Variants in KANSL1 observed in about 807,000 individuals in gnomAD.
KANSL1 encodes KAT8 regulatory NSL complex subunit 1, also known as MLL1/MLL complex subunit KANSL1.
Under a neutral mutation model 103.6 loss-of-function variants are expected in KANSL1, and 22 were observed. The ratio of observed to expected loss-of-function variants is 0.21; its 90% CI spans 0.15 to 0.30. KANSL1 has a LOEUF of 0.30. KANSL1 is among the 10% of genes least tolerant of loss of function. The pLI, the probability that KANSL1 is intolerant of heterozygous loss-of-function variation, is 1.00. For synonymous variants in KANSL1, 600 were observed against 527.6 expected (o/e 1.14, Z -1.88); for missense variants, 1,337 against 1,399.8 (o/e 0.96, Z 0.72).
intron 1 of KANSL1, among the ~76,000 whole-genome samples, chr17:46,174,079 T>G (rs1048573073): frequency 6.6e-6 from 1 of 152,278 alleles, no homozygotes; most frequent in Admixed American, 6.5e-5. Context: ...CGATATTTGC[T>G]GCCAATAATA....
chr17:46,125,541 T>C (rs1416613594), intron 2 of KANSL1, among the ~76,000 whole-genome samples: 2 of 152,122 alleles, frequency 1.3e-5, no homozygotes, highest in Non-Finnish European at 2.9e-5. Flanking sequence ...AATACATCTG[T>C]CCATATAGGG....
At chr17:46,141,635 CAAG>C (rs2147371716) in intron 2 of KANSL1, among the ~76,000 whole-genome samples, 1 of 152,148 alleles carries the variant, frequency 6.6e-6, no homozygotes, top group African/African-American at 2.4e-5. Flanking sequence ...ACAAAATGCC[CAAG>C]AATACAGTAT....
intron 2 of KANSL1, among the ~76,000 whole-genome samples, chr17:46,117,180 A>G (rs2043081504): frequency 6.6e-6 from 1 of 152,212 alleles, no homozygotes; most frequent in Admixed American, 6.5e-5. Context: ...CAGGTTATAA[A>G]TGGGTATGCA....
At chr17:46,111,959 C>T (rs1045946655) in intron 2 of KANSL1, among the ~76,000 whole-genome samples, 6 of 152,194 alleles carry the variant, frequency 3.9e-5, no homozygotes, top group African/African-American at 9.7e-5. Flanking sequence ...CCCACAGAAA[C>T]GAGAGCACCA....
chr17:46,063,044 C>T (rs1357308957), intron 6 of KANSL1, among the ~76,000 whole-genome samples: 8 of 152,138 alleles, frequency 5.3e-5, no homozygotes, highest in Non-Finnish European at 8.8e-5. Flanking sequence ...AGCAAGACTC[C>T]ATCTCAAAGA....
intron 4 of KANSL1, among the ~76,000 whole-genome samples, chr17:46,071,684 A>G (rs1282259776): frequency 6.6e-6 from 1 of 152,258 alleles, no homozygotes; most frequent in Non-Finnish European, 1.5e-5. Flanking sequence ...AGAAAACTAA[A>G]GCATGACTGA....
intron 2 of KANSL1, among the ~76,000 whole-genome samples, chr17:46,124,424 C>T (rs143922527): frequency 1.3e-5 from 2 of 152,264 alleles, no homozygotes; most frequent in East Asian, 3.9e-4. Context: ...GCACCATTGC[C>T]GGAGAGGTCT....
rs369920825 is a variant in KANSL1, at chr17:46,170,999, C to G, written c.1145G>C (p.Arg382Thr). 1 of 1,614,070 alleles carries G rather than the reference C, an allele frequency of 6.2e-7. No homozygotes were observed. Among genetic ancestry groups the G allele is most frequent in the Non-Finnish European group, 8.5e-7 (1 of 1,180,058 alleles). ...KSNSISEELE[R>T]FTASGIANLR... is the part of the protein sequence containing the mutation. ...GTTGGCTATGCCACTAGCTGTAAAT[C>G]TCTCCAATTCTTCTGAAATTGAATT... The change falls in exon 2 of 15, where the codon AGA becomes ACA. Residue 382 changes from arginine (R) to threonine (T), a missense_variant. Arg to Thr is a moderately conservative substitution (Grantham distance 71). Transcript: ENST00000432791.
At position 46,102,408 on chromosome 17, in the gene KANSL1, C is replaced by A. The variant is rs535002773; in HGVS notation, c.1290-7707G>T. On this transcript the variant is annotated intron_variant, in intron 2 of 14. Coordinates refer to ENST00000432791, the MANE Select transcript of KANSL1 (RefSeq NM_015443.4). Reference sequence around the variant, plus strand: ...GGGATTACAGGTGCCTGTCACCATGCCTGGCTAATTTTTGTGTTTTTAGTA... The same window carrying A: ...GGGATTACAGGTGCCTGTCACCATGACTGGCTAATTTTTGTGTTTTTAGTA... Among the ~76,000 whole-genome samples, 7 of 152,266 alleles carry A rather than the reference C, an allele frequency of 4.6e-5. No homozygotes were observed. In the East Asian group the frequency reaches 7.7e-4, roughly 17 times the overall value.
At chr17:46,180,543 G>C (rs1253904887) in intron 1 of KANSL1, among the ~76,000 whole-genome samples, 1 of 152,012 alleles carries the variant, frequency 6.6e-6, no homozygotes, top group Admixed American at 6.6e-5. Context: ...AAATTTAGCC[G>C]GGCATGATGG....
intron 10 of KANSL1, among the ~76,000 whole-genome samples, chr17:46,036,742 C>T (rs1249153178): frequency 1.3e-5 from 2 of 149,194 alleles, no homozygotes; most frequent in Non-Finnish European, 3.0e-5. Context: ...TTTTTTGAGA[C>T]GAAGTCTTGC....
intron 1 of KANSL1, among the ~76,000 whole-genome samples, chr17:46,180,514 T>TAATAAA (rs1206238036): frequency 1.3e-5 from 2 of 151,408 alleles, no homozygotes; most frequent in Non-Finnish European, 2.9e-5. Flanking sequence ...AAGAAATAAA[T>TAATAAA]AATAAAAATA....
Position 46,142,392 on chromosome 17 carries a change from A to G in KANSL1, c.1289+28463T>C, listed in dbSNP as rs376173341. On this transcript the variant is annotated intron_variant, in intron 2 of 14. Transcript: ENST00000432791. ...CACTTTGGGAGGCCAAGGCAGGAGG[A>G]CTGCTTGAGTCCAGGAGTTTGAGAC... is the stretch of plus-strand genomic sequence containing the variant. Among the ~76,000 whole-genome samples the G allele has an allele frequency of 2.0e-4, 31 of 151,882 alleles. 1 individual carries two copies. In the East Asian group the frequency reaches 5.8e-3, roughly 28 times the overall value.
chr17:46,131,553 T>G (rs892828599), intron 2 of KANSL1, among the ~76,000 whole-genome samples: 1 of 152,182 alleles, frequency 6.6e-6, no homozygotes, highest in African/African-American at 2.4e-5. Context: ...GCCAAAATGA[T>G]TACAATGACA....
intron 6 of KANSL1, among the ~76,000 whole-genome samples, chr17:46,065,398 T>C (rs2078341562): frequency 6.6e-6 from 1 of 152,212 alleles, no homozygotes; most frequent in South Asian, 2.1e-4. Context: ...ACCCAGTGAC[T>C]AGACAGATTT....
In KANSL1 at chr17:46,050,709, GA is replaced by G; in HGVS notation, c.1849-6del. 3 of 1,602,078 alleles carry G rather than the reference GA, an allele frequency of 1.9e-6. No homozygotes were observed. The highest frequency in any genetic ancestry group is 2.6e-6 in the Non-Finnish European group (3 of 1,172,042). On this transcript the variant is annotated splice_region_variant and splice_polypyrimidine_tract_variant and intron_variant, in intron 6 of 14. Coordinates refer to ENST00000432791, the MANE Select transcript of KANSL1 (RefSeq NM_015443.4). ...GATTGTGCTGTTCCGGTGAACCTGT[GA>G]AAAAAGCCAAACAAAACTGACAATT... is the stretch of plus-strand genomic sequence containing the variant.
intron 1 of KANSL1, among the ~76,000 whole-genome samples, chr17:46,218,782 C>CAA (rs34293999): frequency 1.4e-5 from 2 of 138,188 alleles, no homozygotes; most frequent in Non-Finnish European, 1.5e-5. Flanking sequence ...GACTCCATCT[C>CAA]AAAAAAAAAA....
At chr17:46,204,566 A>C (rs2047903804) in intron 1 of KANSL1, among the ~76,000 whole-genome samples, 2 of 152,274 alleles carry the variant, frequency 1.3e-5, no homozygotes, top group Non-Finnish European at 2.9e-5. Flanking sequence ...AACCAAAATT[A>C]GTCCAAGATG....
intron 2 of KANSL1, among the ~76,000 whole-genome samples, chr17:46,126,424 A>G (rs2147236983): frequency 6.6e-6 from 1 of 151,590 alleles, no homozygotes; most frequent in African/African-American, 2.4e-5. Context: ...CCTGGGTGAC[A>G]AGAGTAACTA....
Sources: gnomAD v4.1 joint callset for allele counts (sites outside exome capture counted in the v4.1 genomes callset) on GRCh38, gnomAD v4.1.1 for gene constraint, MANE v1.5 for transcripts, NCBI Gene and HGNC (gene_info 2026-07-23, HGNC 2026-07-21) for gene names.